The following KSR2 variants were observed in gnomAD, a reference collection of about 807,000 sequenced individuals.
KSR2 encodes the protein kinase suppressor of ras 2.
In KSR2, 25 loss-of-function variants were observed where a neutral mutation model predicts 107.8. The ratio of observed to expected loss-of-function variants is 0.23; its 90% confidence interval spans 0.17 to 0.32. The LOEUF is 0.32. Ranked by LOEUF, KSR2 falls within the 10% of genes least tolerant of loss-of-function variation. The pLI, the probability that KSR2 is intolerant of heterozygous loss-of-function variation, is 1.00. For missense variants in KSR2, 887 were observed against 1,268.9 expected (o/e 0.70, Z 4.57); for synonymous variants, 480 against 507.0 (o/e 0.95, Z 0.71).
chr12:117,805,347 C>G (rs1890974470), intron 3 of KSR2, among the ~76,000 whole-genome samples: 1 of 152,210 alleles, frequency 6.6e-6, no homozygotes, highest in Admixed American at 6.5e-5. Context: ...GGTAACTTCT[C>G]TAGAGACCAA....
At chr12:117,731,430 C>T (rs1438636626) in intron 4 of KSR2, among the ~76,000 whole-genome samples, 6 of 135,448 alleles carry the variant, frequency 4.4e-5, no homozygotes, top group South Asian at 4.3e-4. Flanking sequence ...GGGCAGCCCC[C>T]GCCCAGCCAC....
intron 4 of KSR2, among the ~76,000 whole-genome samples, chr12:117,716,075 C>T (rs1423088119): frequency 6.6e-6 from 1 of 152,198 alleles, no homozygotes; most frequent in Non-Finnish European, 1.5e-5. Flanking sequence ...TCAATCTCAG[C>T]ACCCTGTCTG....
chr12:117,579,318 T>C (rs1879496223), intron 6 of KSR2, 116 bp from the exon 7 acceptor site: 2 of 751,678 alleles, frequency 2.7e-6, no homozygotes, highest in African/African-American at 3.5e-5. Context: ...GTCCTGTTTC[T>C]TTCGAGCTGT....
intron 5 of KSR2, among the ~76,000 whole-genome samples, chr12:117,583,129 T>C (rs570699948): frequency 6.6e-6 from 1 of 151,436 alleles, no homozygotes; most frequent in African/African-American, 2.4e-5. Flanking sequence ...ATGAGCAGGA[T>C]GGATAGGATG....
chr12:117,623,843 C>T (rs185855485), intron 5 of KSR2, among the ~76,000 whole-genome samples: 15 of 151,154 alleles, frequency 9.9e-5, no homozygotes, highest in Admixed American at 8.6e-4. Context: ...TTCTCTCCCA[C>T]CAACAGTGTA....
chr12:117,779,611 T>C (rs1226451909), intron 3 of KSR2, among the ~76,000 whole-genome samples: 1 of 152,148 alleles, frequency 6.6e-6, no homozygotes, highest in Non-Finnish European at 1.5e-5. Flanking sequence ...GATTGGATCA[T>C]GGAGTCGGCT....
chr12:117,848,225 A>T (rs1035346901), intron 3 of KSR2, among the ~76,000 whole-genome samples: 3 of 152,238 alleles, frequency 2.0e-5, no homozygotes, highest in Admixed American at 1.3e-4. Flanking sequence ...AGAAGGCCAC[A>T]GCAACAGCAC....
At chr12:117,967,597 C>T (rs1182525028) in intron 1 of KSR2, among the ~76,000 whole-genome samples, 7 of 152,044 alleles carry the variant, frequency 4.6e-5, no homozygotes, top group Admixed American at 6.6e-5. Context: ...GAGGTCTACA[C>T]TGACAGGCGG....
Position 117,745,122 on chromosome 12 carries a change from C to T in KSR2, c.986+15889G>A, listed in dbSNP as rs2136799681. On this transcript the variant is annotated intron_variant, in intron 4 of 19. Transcript: ENST00000339824. ...GGTGAAAAGAGGAGGCAAACTCAGG[C>T]CACCTGGTTCCAGAGCCCCTGCCCT... 2.0e-5 allele frequency among the ~76,000 whole-genome samples: 3 copies of T among 152,218 alleles called. No homozygotes were observed. The Middle Eastern group carries it at 0.01, about 518-fold the overall frequency.
intron 14 of KSR2, among the ~76,000 whole-genome samples, chr12:117,491,929 G>A (rs909851847): frequency 2.0e-5 from 3 of 152,230 alleles, no homozygotes; most frequent in Non-Finnish European, 4.4e-5. Context: ...GAAGATTAAC[G>A]AGGTCTGCTG....
At chr12:117,794,846 C>T (rs1324356010) in intron 3 of KSR2, among the ~76,000 whole-genome samples, 3 of 103,204 alleles carry the variant, frequency 2.9e-5, no homozygotes, top group East Asian at 4.6e-4. Context: ...AGCCTCGCTA[C>T]GACCCATCAC....
chr12:117,720,995 C>G (rs55959860), intron 4 of KSR2, among the ~76,000 whole-genome samples: 2,201 of 152,206 alleles, frequency 0.014, 60 homozygotes, highest in African/African-American at 0.05. Flanking sequence ...CTCTTAGGTC[C>G]CATTCGGCCA....
At chr12:117,542,052 T>A (rs1453902521) in intron 9 of KSR2, among the ~76,000 whole-genome samples, 1 of 151,940 alleles carries the variant, frequency 6.6e-6, no homozygotes, top group African/African-American at 2.4e-5. Flanking sequence ...TGCCCAGCTT[T>A]AAAACACTTT....
At chr12:117,918,279 A>C (rs1895241146) in intron 1 of KSR2, among the ~76,000 whole-genome samples, 1 of 152,152 alleles carries the variant, frequency 6.6e-6, no homozygotes, top group Non-Finnish European at 1.5e-5. Flanking sequence ...AAAATCCTAA[A>C]ACATGTCTCT....
intron 14 of KSR2, among the ~76,000 whole-genome samples, chr12:117,499,138 G>A (rs939748729): frequency 3.9e-5 from 6 of 152,204 alleles, no homozygotes; most frequent in Admixed American, 1.3e-4. Context: ...ATATCAAAAC[G>A]CTGAGATCTT....
chr12:117,674,981 C>T (rs1295239784), intron 4 of KSR2, among the ~76,000 whole-genome samples: 2 of 152,166 alleles, frequency 1.3e-5, no homozygotes, highest in Non-Finnish European at 2.9e-5. Context: ...ACATGCTGTT[C>T]CTGCTGCCTG....
At chr12:117,736,455 G>A (rs747192835) in intron 4 of KSR2, among the ~76,000 whole-genome samples, 47 of 152,102 alleles carry the variant, frequency 3.1e-4, no homozygotes, top group East Asian at 5.8e-4. Flanking sequence ...TTGAATTTAC[G>A]TTTCATCTGA....
chr12:117,805,090 G>A (rs963133863), intron 3 of KSR2, among the ~76,000 whole-genome samples: 1 of 152,248 alleles, frequency 6.6e-6, no homozygotes, highest in South Asian at 2.1e-4. Context: ...GAACACCCTG[G>A]GTAAACTGGG....
rs773563495 is a variant in KSR2, at chr12:117,535,986, C to T, written c.1687+3733G>A. Reference sequence around the variant, plus strand: ...GCCATGTCCACATGGCCCCAGGACTCAGGGAAAGGCTGATAACAGGAGGTC... The same window carrying T: ...GCCATGTCCACATGGCCCCAGGACTTAGGGAAAGGCTGATAACAGGAGGTC... On this transcript the variant is annotated intron_variant, in intron 10 of 19. Transcript: ENST00000339824. 7.2e-4 allele frequency among the ~76,000 whole-genome samples: 110 copies of T among 152,210 alleles called. 1 individual carries two copies. Among genetic ancestry groups the T allele is most frequent in the Non-Finnish European group, 1.2e-3 (84 of 68,014 alleles).
Sources: gnomAD v4.1 joint callset for allele counts (sites outside exome capture counted in the v4.1 genomes callset) on GRCh38, gnomAD v4.1.1 for gene constraint, MANE v1.5 for transcripts, NCBI Gene and HGNC (gene_info 2026-07-23, HGNC 2026-07-21) for gene names.